Variants in ZNF451 observed in about 807,000 individuals in gnomAD.
ZNF451 encodes the protein E3 SUMO-protein ligase ZNF451.
A neutral mutation model predicts 107.1 loss-of-function variants in ZNF451; 80 were observed. The observed-to-expected ratio is 0.75, with a 90% CI of 0.62 to 0.90. The LOEUF is 0.90. Among genes scored for constraint, ZNF451 ranks in the 40% least tolerant of loss-of-function variants. The pLI, the probability that ZNF451 is intolerant of heterozygous loss-of-function variation, is 0.00. For synonymous variants in ZNF451, 362 were observed against 406.5 expected (o/e 0.89, Z 1.32); for missense variants, 1,107 against 1,236.2 (o/e 0.90, Z 1.57).
At position 57,138,509 on chromosome 6, in the gene ZNF451, G is replaced by A. The variant is rs529605207; in HGVS notation, c.703-2793G>A. ...GAGCTCCTGACCTTGTGATCTGTCC[G>A]CTTCAGCCTCCCAAAGTGCTGGGAT... On this transcript the variant is annotated intron_variant, in intron 7 of 14. Transcript: ENST00000370706. Among the ~76,000 whole-genome samples, 5 of 151,370 alleles carry A rather than the reference G, an allele frequency of 3.3e-5. No homozygotes were observed. The South Asian group carries it at 8.3e-4, about 25-fold the overall frequency.
At chr6:57,154,186 T>C (rs897475442) in intron 13 of ZNF451, 139 bp downstream of exon 13, 18 of 789,172 alleles carry the variant, frequency 2.3e-5, no homozygotes, top group Admixed American at 2.2e-4. Flanking sequence ...ATCTTACTTA[T>C]CTTTTTTAAA....
At chr6:57,117,590 G>A (rs1211348277) in intron 3 of ZNF451, among the ~76,000 whole-genome samples, 2 of 152,054 alleles carry the variant, frequency 1.3e-5, no homozygotes, top group Non-Finnish European at 2.9e-5. Flanking sequence ...TAATTTGAAG[G>A]GAGTGAAGTT....
intron 3 of ZNF451, among the ~76,000 whole-genome samples, chr6:57,110,541 C>G (rs1055105140): frequency 6.6e-6 from 1 of 152,136 alleles, no homozygotes; most frequent in Non-Finnish European, 1.5e-5. Context: ...GATAATGTTC[C>G]TGAAGTGGAA....
At chr6:57,139,075 G>A (rs1210071093) in intron 7 of ZNF451, among the ~76,000 whole-genome samples, 1 of 152,004 alleles carries the variant, frequency 6.6e-6, no homozygotes, top group African/African-American at 2.4e-5. Context: ...GGAGAAATAT[G>A]TATAAATTGG....
chr6:57,101,071 C>T, intron 3 of ZNF451: 1 of 1,550,716 alleles, frequency 6.4e-7, no homozygotes, highest in Non-Finnish European at 8.7e-7. Context: ...CTCCTCAGTT[C>T]CTTGGGACAT....
Position 57,148,253 on chromosome 6 carries a change from G to T in ZNF451, c.2168G>T (p.Gly723Val). 6.2e-7 allele frequency: 1 copy of T among 1,613,948 alleles called. No individual in the cohort carries two copies. Among genetic ancestry groups the T allele is most frequent in the Non-Finnish European group, 8.5e-7 (1 of 1,179,948 alleles). ...VIETSNQLTC[G>V]CRESYICKVN... Reference sequence around the variant, plus strand: ...GAGACCAGTAACCAGTTAACTTGTGGTTGCCGTGAGAGTTACATCTGTAAA... The same window carrying T: ...GAGACCAGTAACCAGTTAACTTGTGTTTGCCGTGAGAGTTACATCTGTAAA... The change falls in exon 10 of 15, where the codon GGT becomes GTT. Residue 723 changes from glycine to valine, a missense_variant. Physicochemically the swap from Gly to Val is moderately radical, Grantham distance 109 (BLOSUM62 -3). Coordinates refer to ENST00000370706, the MANE Select transcript of ZNF451 (RefSeq NM_001031623.3).
In ZNF451 at chr6:57,154,063, C is replaced by T. The variant is rs1160769667; in HGVS notation, c.3070+16C>T. 2 of 1,613,718 alleles carry T rather than the reference C, an allele frequency of 1.2e-6. No individual in the cohort carries two copies. Among genetic ancestry groups the T allele is most frequent in the Non-Finnish European group, 1.7e-6 (2 of 1,179,972 alleles). ...ACCACCAAAGGTACGCAGCTGCAGT[C>T]ACAGTGCAAACCACCCAAGAGGAGG... On this transcript the variant is annotated intron_variant, in intron 13 of 14. Coordinates refer to ENST00000370706, the MANE Select transcript of ZNF451 (RefSeq NM_001031623.3).
At chr6:57,101,533 G>T in intron 3 of ZNF451, 2 of 1,550,912 alleles carry the variant, frequency 1.3e-6, no homozygotes, top group South Asian at 2.4e-5. Flanking sequence ...AGAAATGGAG[G>T]TCATGGGTTG....
intron 3 of ZNF451, among the ~76,000 whole-genome samples, chr6:57,099,977 T>G (rs1246948352): frequency 6.6e-6 from 1 of 152,186 alleles, no homozygotes; most frequent in Non-Finnish European, 1.5e-5. Context: ...TTAGCCTCCG[T>G]TTTTTAATCA....
intron 14 of ZNF451, among the ~76,000 whole-genome samples, chr6:57,162,313 AAG>A (rs2127988269): frequency 6.6e-6 from 1 of 152,330 alleles, no homozygotes; most frequent in South Asian, 2.1e-4. Flanking sequence ...TAGTTTGACT[AAG>A]AGCATACTAG....
intron 3 of ZNF451, chr6:57,106,475 T>C (rs1311950481): frequency 1.6e-5 from 9 of 573,364 alleles, no homozygotes; most frequent in Admixed American, 1.3e-4. Flanking sequence ...ACCTGCTAAT[T>C]TTGTATTTTT....
At chr6:57,094,503 A>G (rs749640053) in intron 2 of ZNF451, among the ~76,000 whole-genome samples, 1 of 152,114 alleles carries the variant, frequency 6.6e-6, no homozygotes, top group Non-Finnish European at 1.5e-5. Context: ...TTAGTGGTGC[A>G]ATAGGGCATG....
intron 3 of ZNF451, chr6:57,102,324 G>T (rs1829647830): frequency 1.6e-6 from 2 of 1,213,526 alleles, no homozygotes; most frequent in Non-Finnish European, 2.0e-6. Flanking sequence ...TGAAAGGGTT[G>T]GACAAATGTT....
chr6:57,119,481 G>A (rs142266486), intron 3 of ZNF451, among the ~76,000 whole-genome samples: 237 of 152,126 alleles, frequency 1.6e-3, no homozygotes, highest in African/African-American at 5.1e-3. Context: ...CCGAGATCGC[G>A]CCACTGCACT....
chr6:57,141,599 A>G, intron 8 of ZNF451, 144 bp downstream of exon 8: 1 of 811,124 alleles, frequency 1.2e-6, no homozygotes, highest in Non-Finnish European at 1.8e-6. Context: ...ATTCCTACTT[A>G]AAAACAAAGA....
intron 2 of ZNF451, chr6:57,091,581 A>AC (rs1372977132): frequency 1.3e-5 from 2 of 153,160 alleles, no homozygotes; most frequent in East Asian, 3.8e-4. Flanking sequence ...CACACTTTGT[A>AC]CAGCATGGGT....
intron 2 of ZNF451, among the ~76,000 whole-genome samples, chr6:57,091,619 A>C (rs922313727): frequency 6.6e-6 from 1 of 152,100 alleles, no homozygotes; most frequent in African/African-American, 2.4e-5. Context: ...GTGTTTTATG[A>C]TGTATTTTGG....
intron 3 of ZNF451, chr6:57,099,442 C>T (rs1554296615): frequency 9.8e-6 from 7 of 715,912 alleles, no homozygotes; most frequent in Admixed American, 2.0e-5. Flanking sequence ...TTCCTCTTTC[C>T]CTTCTCTTTT....
chr6:57,119,245 G>T (rs1041902952), intron 3 of ZNF451, among the ~76,000 whole-genome samples: 1 of 152,000 alleles, frequency 6.6e-6, no homozygotes, highest in African/African-American at 2.4e-5. Flanking sequence ...GCCAGGGAAG[G>T]CCGGGGCGTG....
Sources: gnomAD v4.1 joint callset for allele counts (sites outside exome capture counted in the v4.1 genomes callset) on GRCh38, gnomAD v4.1.1 for gene constraint, MANE v1.5 for transcripts, NCBI Gene and HGNC (gene_info 2026-07-23, HGNC 2026-07-21) for gene names.